EPS15L1: variants seen among roughly 807,000 people sequenced by gnomAD.
EPS15L1 encodes the protein epidermal growth factor receptor pathway substrate 15 like 1.
Under a neutral mutation model 117.1 loss-of-function variants are expected in EPS15L1, and 43 were observed. The observed-to-expected ratio is 0.37, with a 90% confidence interval of 0.29 to 0.47. The LOEUF (loss-of-function observed/expected upper bound fraction) is 0.47. Among genes scored for constraint, EPS15L1 ranks in the 20% least tolerant of loss-of-function variants. The pLI is 0.99. For synonymous variants in EPS15L1, 459 were observed against 470.5 expected, an observed-to-expected ratio of 0.98 and a Z score of 0.32; for missense variants, 981 against 1,164.0, an observed-to-expected ratio of 0.84 and a Z score of 2.29.
At chr19:16,450,308 T>G (rs1342320886) in intron 1 of EPS15L1, among the ~76,000 whole-genome samples, 1 of 151,726 alleles carries the variant, frequency 6.6e-6, no homozygotes, top group East Asian at 1.9e-4. Flanking sequence ...TCCATGTCAT[T>G]CACCTTGCTG....
At position 16,362,172 on chromosome 19, in the gene EPS15L1, A is replaced by G. The variant is rs1279505726; in HGVS notation, c.2381-188T>C. ...TAATCAGCTTTATCCCAGGGGCTTAACGGGTTGTGAACAACACAGGAAAAA... is the reference window on the plus strand; with the variant it reads ...TAATCAGCTTTATCCCAGGGGCTTAGCGGGTTGTGAACAACACAGGAAAAA... On this transcript the variant is annotated intron_variant, in intron 22 of 23. Coordinates refer to ENST00000455140, the MANE Select transcript of EPS15L1 (RefSeq NM_001258374.3). Among the ~76,000 whole-genome samples, 3 of 152,162 alleles carry G rather than the reference A, an allele frequency of 2.0e-5. No individual in the cohort carries two copies. The East Asian group carries it at 5.8e-4, about 29-fold the overall frequency.
intron 1 of EPS15L1, among the ~76,000 whole-genome samples, chr19:16,463,777 G>C (rs2093275270): frequency 6.6e-6 from 1 of 152,230 alleles, no homozygotes; most frequent in African/African-American, 2.4e-5. Flanking sequence ...ATCTCCACCA[G>C]TGGTAACAGA....
At chr19:16,464,411 C>T (rs948139281) in intron 1 of EPS15L1, among the ~76,000 whole-genome samples, 1 of 152,226 alleles carries the variant, frequency 6.6e-6, no homozygotes, top group Admixed American at 6.5e-5. Flanking sequence ...CAGCCCCCAC[C>T]AGCCACTGGC....
intron 1 of EPS15L1, among the ~76,000 whole-genome samples, chr19:16,446,770 C>G (rs1043618215): frequency 6.6e-5 from 10 of 152,100 alleles, no homozygotes; most frequent in African/African-American, 2.2e-4. Context: ...TCCGTGATGA[C>G]GTGCTGGAGC....
rs1417611494 is a variant in EPS15L1 at position 16,392,438 on chromosome 19, G to T, written c.1969C>A (p.Pro657Thr). ...TCTTTGAAAGGGTCCCCTCCAAATG[G>T]ATCTAGAAGGAAAAATGCCCCATAA... ...FAEQQTTSTDPFGGDPFKESD... is the reference protein window; with the variant it reads ...FAEQQTTSTDTFGGDPFKESD... The change falls in exon 19 of 24, where the codon CCA (proline) becomes ACA (threonine). Residue 657 changes from proline to threonine, a missense_variant and splice_region_variant. Transcript: ENST00000455140. The T allele has an allele frequency of 1.9e-6, 3 of 1,613,980 alleles. No individual in the cohort carries two copies. The highest frequency in any genetic ancestry group is 2.5e-6 in the Non-Finnish European group (3 of 1,179,884).
chr19:16,428,447 G>A (rs1374570814), intron 8 of EPS15L1, among the ~76,000 whole-genome samples: 3 of 138,470 alleles, frequency 2.2e-5, no homozygotes, highest in Non-Finnish European at 3.1e-5. Flanking sequence ...AAGGAAGGAG[G>A]GAGGGAGGGA....
At chr19:16,412,808 G>A (rs1162683362) in intron 13 of EPS15L1, 15 of 483,954 alleles carry the variant, frequency 3.1e-5, no homozygotes, top group African/African-American at 9.8e-5. Flanking sequence ...GGTCGCGGCC[G>A]TGGACAGCAC....
chr19:16,404,524 G>A lies in EPS15L1; in HGVS notation c.1428+64C>T. The A allele has an allele frequency of 1.3e-6, 2 of 1,576,674 alleles. No individual in the cohort carries two copies. The highest frequency in any genetic ancestry group is 1.3e-5 in the African/African-American group (1 of 74,330). Reference sequence around the variant, plus strand: ...TGTGTTCCCAGGTAACACGAGCTCAGGGGAGTCCTTGGGAAGCCCCTGCCT... The same window carrying A: ...TGTGTTCCCAGGTAACACGAGCTCAAGGGAGTCCTTGGGAAGCCCCTGCCT... On this transcript the variant is annotated intron_variant, in intron 14 of 23. Transcript: ENST00000455140. This position sits in a 1 kb window ranked among gnomAD's most constrained non-coding sequence, Gnocchi z 4.2.
chr19:16,442,043 C>G, intron 2 of EPS15L1, 62 bp from the exon 3 acceptor site: 1 of 1,499,270 alleles, frequency 6.7e-7, no homozygotes, highest in Non-Finnish European at 9.2e-7. Context: ...GGTGAAGTGG[C>G]ACCCGCCACG....
At chr19:16,435,789 G>C (rs2092972517) in intron 6 of EPS15L1, among the ~76,000 whole-genome samples, 1 of 152,110 alleles carries the variant, frequency 6.6e-6, no homozygotes, top group African/African-American at 2.4e-5. Context: ...TGAATGGAAT[G>C]CAGAATCTCT....
chr19:16,367,030 A>G (rs1270822595), intron 22 of EPS15L1, among the ~76,000 whole-genome samples: 1 of 152,122 alleles, frequency 6.6e-6, no homozygotes, highest in Non-Finnish European at 1.5e-5. Flanking sequence ...CACCCACGCC[A>G]GGGTTTTATA....
intron 17 of EPS15L1, among the ~76,000 whole-genome samples, chr19:16,395,083 G>A (rs781574426): frequency 1.3e-4 from 20 of 151,970 alleles, no homozygotes; most frequent in African/African-American, 3.9e-4. Flanking sequence ...AGCCGGGTGC[G>A]GTGATGGGCG....
At chr19:16,402,187 G>C (rs1293629306) in intron 16 of EPS15L1, 134 bp downstream of exon 16, 4 of 1,461,304 alleles carry the variant, frequency 2.7e-6, no homozygotes, top group Non-Finnish European at 3.6e-6. Context: ...CAAAGTGGCA[G>C]CAAAAACAAC....
chr19:16,371,456 C>CTGTT lies in EPS15L1; in HGVS notation c.2380+5665_2380+5666insAACA, dbSNP rs2092223335. Among the ~76,000 whole-genome samples, 3 of 152,138 alleles carry CTGTT rather than the reference C, an allele frequency of 2.0e-5. No homozygotes were observed. The highest frequency in any genetic ancestry group is 2.9e-5 in the Non-Finnish European group (2 of 68,022). ...TGGTTAAACTTAGGTAAAAGCTGTT[C>CTGTT]GTTAGTGCAACTGTGGGGAGGGGGC... On this transcript the variant is annotated intron_variant, in intron 22 of 23. Coordinates refer to ENST00000455140, the MANE Select transcript of EPS15L1 (RefSeq NM_001258374.3). This position sits in a 1 kb window ranked among gnomAD's most constrained non-coding sequence, Gnocchi z 4.7.
intron 18 of EPS15L1, 54 bp from the exon 19 acceptor site, chr19:16,392,494 A>G: frequency 6.7e-7 from 1 of 1,489,792 alleles, no homozygotes; most frequent in Non-Finnish European, 9.3e-7. Context: ...AAGAACCCAG[A>G]CATAAAAGAA....
intron 22 of EPS15L1, among the ~76,000 whole-genome samples, chr19:16,366,801 T>A (rs1357230727): frequency 6.6e-6 from 1 of 152,200 alleles, no homozygotes; most frequent in Non-Finnish European, 1.5e-5. Context: ...GGCATCACTG[T>A]AGGGCCACGG....
At chr19:16,397,671 T>C (rs1020059319) in intron 16 of EPS15L1, among the ~76,000 whole-genome samples, 17 of 152,034 alleles carry the variant, frequency 1.1e-4, no homozygotes, top group African/African-American at 3.9e-4. Flanking sequence ...TACTAGAGCA[T>C]ACACAATGCT....
chr19:16,460,015 C>A (rs2093233305), intron 1 of EPS15L1, among the ~76,000 whole-genome samples: 1 of 152,206 alleles, frequency 6.6e-6, no homozygotes, highest in South Asian at 2.1e-4. Flanking sequence ...GTGGCTCAGG[C>A]CTGTAATCCC....
At chr19:16,445,139 C>T (rs2093070954) in intron 1 of EPS15L1, among the ~76,000 whole-genome samples, 1 of 152,182 alleles carries the variant, frequency 6.6e-6, no homozygotes, top group Non-Finnish European at 1.5e-5. Flanking sequence ...TAAATATCTG[C>T]TCTACTTCCC....
Sources: allele counts gnomAD v4.1 joint callset (sites outside exome capture counted in the v4.1 genomes callset), GRCh38; gene constraint gnomAD v4.1.1; non-coding constraint Gnocchi (gnomAD v3.1); transcripts MANE v1.5; gene names NCBI Gene and HGNC (gene_info 2026-07-23, HGNC 2026-07-21).